MYH14: variants seen among roughly 807,000 people sequenced by gnomAD.
MYH14 encodes the protein myosin-14.
A neutral mutation model predicts 255.5 loss-of-function variants in MYH14; 123 were observed. The ratio of observed to expected loss-of-function variants is 0.48; its 90% CI spans 0.42 to 0.56. MYH14 has a LOEUF of 0.56. Ranked by LOEUF, MYH14 falls within the 20% of genes least tolerant of loss-of-function variation. MYH14 has a pLI of 0.00. For synonymous variants in MYH14, 1,095 were observed against 1,161.2 expected (o/e 0.94, Z 1.16); for missense variants, 2,423 against 2,802.3 (o/e 0.86, Z 3.06).
rs1219162141 is a variant in MYH14, at chr19:50,309,707, T to C, written c.6028T>C (p.Ser2010Pro). The stretch of plus-strand genomic sequence containing the variant: ...CTTCCGACTAGAGGAGGGCGTGGCA[T>C]CCGACGAGGAGGCAGAGGAAGCACA... ...QVFRLEEGVA[S>P]DEEAEEAQPG... Residue 2010 changes from serine to proline, a missense_variant, in exon 43 of 43, where the codon TCC (serine) becomes CCC (proline). Physicochemically the swap from Ser to Pro is moderately conservative, Grantham distance 74. This residue lies in a region of MYH14 where 1,513 missense variants were observed against 1,674.8 expected (regional missense o/e 0.90). Coordinates refer to ENST00000642316, the MANE Select transcript of MYH14 (RefSeq NM_001145809.2). 2.2e-5 allele frequency: 35 copies of C among 1,606,532 alleles called. No individual in the cohort carries two copies. Among genetic ancestry groups the C allele is most frequent in the Non-Finnish European group, 2.9e-5 (34 of 1,177,016 alleles).
chr19:50,228,784 C>T (rs2033233766), intron 8 of MYH14, among the ~76,000 whole-genome samples: 1 of 152,226 alleles, frequency 6.6e-6, no homozygotes, highest in African/African-American at 2.4e-5. Context: ...GCTCCCCATG[C>T]AGTGTGGCTG....
Position 50,293,345 on chromosome 19 carries a change from G to A in MYH14, c.5345+24G>A. On this transcript the variant is annotated intron_variant, in intron 38 of 42. Transcript: ENST00000642316. This position sits in a 1 kb window ranked among gnomAD's most constrained non-coding sequence, Gnocchi z 4.1. ...AAGTAAGTGCCCCAAGGGTCTGAAG[G>A]CTGAGGTACTGCGTCTGCAGGAGGT... 6.3e-7 allele frequency: 1 copy of A among 1,575,362 alleles called. No individual in the cohort carries two copies. The highest frequency in any genetic ancestry group is 8.6e-7 in the Non-Finnish European group (1 of 1,156,986).
At chr19:50,258,221 C>T (rs943607552) in intron 18 of MYH14, among the ~76,000 whole-genome samples, 7 of 152,156 alleles carry the variant, frequency 4.6e-5, no homozygotes, top group African/African-American at 1.4e-4. Flanking sequence ...TGAGCCACCA[C>T]GCCCAGCCTG....
rs112053895 is a variant in MYH14, at chr19:50,298,025, G to A, written c.5470-3636G>A. Among the ~76,000 whole-genome samples the A allele has an allele frequency of 1.5e-3, 223 of 152,190 alleles. 1 individual carries two copies. Among genetic ancestry groups the A allele is most frequent in the African/African-American group, 5.0e-3 (206 of 41,514 alleles). On this transcript the variant is annotated intron_variant, in intron 39 of 42. Coordinates refer to ENST00000642316, the MANE Select transcript of MYH14 (RefSeq NM_001145809.2). ...GGAGCTTCCGTGCCCTCCTGGGAGC[G>A]CCACCCTCCAGGTACTGCACATGTT... is the stretch of plus-strand genomic sequence containing the variant.
rs1158311105 is a variant in MYH14, at chr19:50,309,096, G to A, written c.5879G>A (p.Arg1960Lys). The change falls in exon 42 of 43, where the codon AGG becomes AAG. Residue 1960 changes from arginine to lysine, a missense_variant. By Grantham distance (26) the Arg-to-Lys change is conservative. Around this residue, in one of 3 missense-constraint regions of MYH14, gnomAD observed 1,513 missense variants for 1,674.8 expected, o/e 0.90. Transcript: ENST00000642316. ...EASRAQAGRR[R>K]LQRELEDVTE... ...TCCCGGGCTCAGGCCGGCCGCCGGA[G>A]GCTGCAGCGTGAGCTGGAAGATGTC... The A allele has an allele frequency of 1.2e-6, 2 of 1,613,784 alleles. No homozygotes were observed. The highest frequency in any genetic ancestry group is 3.3e-5 in the Admixed American group (2 of 59,992).
rs376448746 is a variant in MYH14, at chr19:50,230,656, G to A, written c.973+33G>A. The A allele has an allele frequency of 1.8e-5, 28 of 1,527,410 alleles. No individual in the cohort carries two copies. The East Asian group carries it at 2.2e-4, about 12-fold the overall frequency. The allele number at this position is 1,527,410 out of a possible 1,614,324, so 94.6% of individuals were successfully genotyped here. On this transcript the variant is annotated intron_variant, in intron 9 of 42. Transcript: ENST00000642316. The surrounding 1 kb of genome is among the most constrained non-coding windows in gnomAD (Gnocchi z 4.7). ...CCGCCCCGTCCTACCCTGCTCACCC[G>A]GGAGAGGGTGGGCACCATGTCTCTC...
chr19:50,302,499 C>T (rs2036523035), intron 40 of MYH14, among the ~76,000 whole-genome samples: 1 of 151,586 alleles, frequency 6.6e-6, no homozygotes, highest in Admixed American at 6.6e-5. Flanking sequence ...AGGAGTATTG[C>T]TTGAACTCAG....
Position 50,225,600 on chromosome 19 carries a change from C to T in MYH14, c.733C>T (p.Gln245Ter). 6.2e-7 allele frequency: 1 copy of T among 1,612,900 alleles called. No individual in the cohort carries two copies. The highest frequency in any genetic ancestry group is 8.5e-7 in the Non-Finnish European group (1 of 1,179,690). Reference protein sequence around the residue: ...STVSYGELERQLLQANPILEA... With the variant: ...STVSYGELER ...TGCCCGGCAGGGTGAGCTGGAGCGG[C>T]AGCTGCTTCAGGCCAACCCCATCCT... Residue 245 changes from glutamine to a stop codon, truncating the protein, a stop_gained, in exon 7 of 43, where the codon CAG (glutamine) becomes TAG (stop). Transcript: ENST00000642316. LOFTEE classifies it high-confidence loss of function.
At chr19:50,262,777 G>A (rs12327629) in intron 21 of MYH14, among the ~76,000 whole-genome samples, 72,056 of 151,852 alleles carry the variant, frequency 0.47, 17,553 homozygotes, top group Admixed American at 0.6. Context: ...CCTGAACTGC[G>A]GCTGGGGCTT....
In MYH14 at chr19:50,281,585, T is replaced by C. The variant is rs1212790023; in HGVS notation, c.4291-9T>C. 3.8e-6 allele frequency: 6 copies of C among 1,571,394 alleles called. No individual in the cohort carries two copies. The highest frequency in any genetic ancestry group is 3.6e-5 in the Admixed American group (2 of 54,854). ...TGACCACCAACCACCCTCTCTCTCC[T>C]CCCCTCAGCTTTCCGAGTGGCGGCG... On this transcript the variant is annotated splice_polypyrimidine_tract_variant and intron_variant, in intron 32 of 42. Transcript: ENST00000642316.
chr19:50,245,821 T>C (rs1171490801), intron 11 of MYH14, among the ~76,000 whole-genome samples: 1 of 152,228 alleles, frequency 6.6e-6, no homozygotes, highest in Non-Finnish European at 1.5e-5. Flanking sequence ...TCATTTGTTT[T>C]ACAAAACTGG....
At chr19:50,265,231 G>A (rs929805221) in intron 22 of MYH14, among the ~76,000 whole-genome samples, 5 of 152,136 alleles carry the variant, frequency 3.3e-5, no homozygotes, top group Non-Finnish European at 5.9e-5. Flanking sequence ...ACAGCCAGAA[G>A]CTGAGGTTAG....
intron 21 of MYH14, among the ~76,000 whole-genome samples, chr19:50,262,284 A>G (rs1201568925): frequency 1.4e-4 from 22 of 152,164 alleles, no homozygotes; most frequent in Admixed American, 1.4e-3. Context: ...GAGGCCGGGC[A>G]CGGTGGCTCA....
intron 24 of MYH14, among the ~76,000 whole-genome samples, 182 bp from the exon 25 acceptor site, chr19:50,271,227 G>A (rs892080792): frequency 1.3e-5 from 2 of 152,088 alleles, no homozygotes; most frequent in Non-Finnish European, 2.9e-5. Flanking sequence ...TGCTTGTTGC[G>A]CTAATGAATG....
In MYH14 at chr19:50,249,262, TC is replaced by T. The variant is rs1349492499; in HGVS notation, c.1482+129del. 6.9e-6 allele frequency: 8 copies of T among 1,167,144 alleles called. No individual in the cohort carries two copies. In the East Asian group the frequency reaches 1.8e-4, roughly 27 times the overall value. 72.3% of individuals were successfully genotyped at this position (1,167,144 alleles called of 1,614,324 possible). On this transcript the variant is annotated intron_variant, in intron 13 of 42. Coordinates refer to ENST00000642316, the MANE Select transcript of MYH14 (RefSeq NM_001145809.2). ...CCCCTCTCTCTCTCTGAGTCTCTGT[TC>T]CCCCCTCTCTCTGGTCTCTGTCCCC...
At chr19:50,302,227 T>G (rs907380074) in intron 40 of MYH14, among the ~76,000 whole-genome samples, 4 of 145,294 alleles carry the variant, frequency 2.8e-5, no homozygotes, top group African/African-American at 1.0e-4. Flanking sequence ...GAGGCTGCAG[T>G]GAGCTGTGAT....
At chr19:50,264,067 A>AAAAAAAC (rs1568515335) in intron 22 of MYH14, among the ~76,000 whole-genome samples, 1 of 118,582 alleles carries the variant, frequency 8.4e-6, no homozygotes, top group Non-Finnish European at 1.7e-5. Context: ...AAAAAAAAAA[A>AAAAAAAC]AAAAAAAAAG....
intron 10 of MYH14, among the ~76,000 whole-genome samples, chr19:50,241,920 C>T (rs537904809): frequency 2.6e-4 from 39 of 152,250 alleles, no homozygotes; most frequent in Non-Finnish European, 4.4e-4. Flanking sequence ...GCTGGGATTA[C>T]GGGCGTGAGC....
chr19:50,269,652 C>T (rs1256004721), intron 24 of MYH14, among the ~76,000 whole-genome samples: 1 of 152,196 alleles, frequency 6.6e-6, no homozygotes, highest in Non-Finnish European at 1.5e-5. Context: ...AGTGAACAAG[C>T]AGGGGCTGTG....
Sources: allele counts gnomAD v4.1 joint callset (sites outside exome capture counted in the v4.1 genomes callset), GRCh38; gene constraint gnomAD v4.1.1; regional missense constraint gnomAD v4.1.1; non-coding constraint Gnocchi (gnomAD v3.1); transcripts MANE v1.5; gene names NCBI Gene and HGNC (gene_info 2026-07-23, HGNC 2026-07-21).